The following HECTD4 variants were observed in gnomAD, a reference collection of about 807,000 sequenced individuals.
HECTD4 encodes the protein HECT domain E3 ubiquitin protein ligase 4.
In HECTD4, 114 loss-of-function variants were observed where a neutral mutation model predicts 471.5. The observed-to-expected ratio is 0.24, with a 90% CI of 0.21 to 0.28. HECTD4 has a LOEUF of 0.28. HECTD4 is among the 10% of genes least tolerant of loss of function. HECTD4 has a pLI of 1.00. For synonymous variants in HECTD4, 2,012 were observed against 2,256.0 expected (o/e 0.89, Z 3.07); for missense variants, 3,866 against 5,651.5 (o/e 0.68, Z 10.13).
chr12:112,210,284 A>G lies in HECTD4; in HGVS notation c.7630-32T>C, dbSNP rs759232901. 6.9e-6 allele frequency: 11 copies of G among 1,596,364 alleles called. No individual in the cohort carries two copies. In the South Asian group the frequency reaches 1.2e-4, roughly 18 times the overall value. On this transcript the variant is annotated intron_variant, in intron 49 of 75. Coordinates refer to ENST00000682272, the MANE Select transcript of HECTD4 (RefSeq NM_001388303.1). ...AGGAGACCAAATGAAGGATTTGGAAAGACTTACGTTTATTTTTATTTCTGC... is the reference window on the plus strand; with the variant it reads ...AGGAGACCAAATGAAGGATTTGGAAGGACTTACGTTTATTTTTATTTCTGC...
intron 7 of HECTD4, among the ~76,000 whole-genome samples, chr12:112,296,831 A>AGGTGCAGAG (rs2035035539): frequency 4.0e-5 from 2 of 50,514 alleles, no homozygotes; most frequent in Non-Finnish European, 8.2e-5. Flanking sequence ...TAGGTGCAGA[A>AGGTGCAGAG]GGTGGAGGTG....
intron 9 of HECTD4, among the ~76,000 whole-genome samples, chr12:112,278,080 A>G (rs2034563520): frequency 6.6e-6 from 1 of 152,148 alleles, no homozygotes; most frequent in African/African-American, 2.4e-5. Context: ...TCAAGCAAAT[A>G]AACAAACAAA....
chr12:112,246,292 A>T (rs1449644429), intron 29 of HECTD4, among the ~76,000 whole-genome samples: 2 of 152,160 alleles, frequency 1.3e-5, no homozygotes, highest in African/African-American at 4.8e-5. Flanking sequence ...AAGATTTATG[A>T]TGTTGACTAA....
Position 112,179,709 on chromosome 12 carries a change from G to A in HECTD4, c.10988-312C>T, listed in dbSNP as rs2031595468. ...ACGACAGGCCCCTCCCCGAGGGTGG[G>A]CACACCTCAGTGCTCACCCTCACTC... On this transcript the variant is annotated intron_variant, in intron 62 of 75. Coordinates refer to ENST00000682272, the MANE Select transcript of HECTD4 (RefSeq NM_001388303.1). The surrounding 1 kb of genome is among the most constrained non-coding windows in gnomAD (Gnocchi z 4.3). Among the ~76,000 whole-genome samples, 1 of 152,152 alleles carries A rather than the reference G, an allele frequency of 6.6e-6. No homozygotes were observed. The highest frequency in any genetic ancestry group is 6.5e-5 in the Admixed American group (1 of 15,282).
At position 112,161,974 on chromosome 12, in the gene HECTD4, G is replaced by A. The variant is rs2030705999; in HGVS notation, c.*413C>T. The A allele has an allele frequency of 6.2e-6, 1 of 160,078 alleles. No homozygotes were observed. The allele number at this position is 160,078 out of a possible 1,614,324, so 9.9% of individuals were successfully genotyped here. ...GGCAGGGCTGGCCACAGGCTTGTCT[G>A]TGGAGGCGCTCTGCTGAAAGCACGA... On this transcript the variant is annotated 3_prime_UTR_variant, in exon 76 of 76. Coordinates refer to ENST00000682272, the MANE Select transcript of HECTD4 (RefSeq NM_001388303.1).
At chr12:112,241,151 T>G (rs758319800) in intron 32 of HECTD4, among the ~76,000 whole-genome samples, 5 of 152,216 alleles carry the variant, frequency 3.3e-5, no homozygotes, top group Non-Finnish European at 7.4e-5. Context: ...GTAGGTGATT[T>G]TCATTGTATT....
intron 25 of HECTD4, 120 bp from the exon 26 acceptor site, chr12:112,248,632 G>C: frequency 1.6e-6 from 1 of 606,374 alleles, no homozygotes; most frequent in Non-Finnish European, 2.7e-6. Flanking sequence ...CTAGGCTGCA[G>C]TTCAGTGGAG....
chr12:112,177,884 G>A (rs533231022), intron 64 of HECTD4, among the ~76,000 whole-genome samples: 13 of 152,296 alleles, frequency 8.5e-5, no homozygotes, highest in South Asian at 2.1e-4. Context: ...GCTCAGGGAG[G>A]GGAGCTTCAA....
At position 112,243,980 on chromosome 12, in the gene HECTD4, T is replaced by A; in HGVS notation, c.4543A>T (p.Ile1515Leu). 1.2e-6 allele frequency: 2 copies of A among 1,613,902 alleles called. No homozygotes were observed. Among genetic ancestry groups the A allele is most frequent in the Non-Finnish European group, 8.5e-7 (1 of 1,179,856 alleles). ...ACKSASETKV[I>L]SHAVRQPVFL... ...ACAGGCTGCCTGACAGCGTGAGATA[T>A]CACTTTTGTTTCAGAAGCTGATTTA... Residue 1515 changes from isoleucine (I) to leucine (L), a missense_variant, in exon 30 of 76, where the codon ATA (isoleucine) becomes TTA (leucine). Ile to Leu is a conservative substitution (Grantham distance 5, BLOSUM62 2). Transcript: ENST00000682272. The surrounding 1 kb of genome is among the most constrained non-coding windows in gnomAD (Gnocchi z 6.6).
At position 112,184,430 on chromosome 12, in the gene HECTD4, C is replaced by T. The variant is rs1202396543; in HGVS notation, c.10536G>A (p.Leu3512=). ...QTVSDLSVDP[L]PAGLELPIPP... ...GGATGGGCAGCTCGAGGCCGGCAGGCAGCGGATCCACAGAGAGGTCGCTGA... is the reference window on the plus strand; with the variant it reads ...GGATGGGCAGCTCGAGGCCGGCAGGTAGCGGATCCACAGAGAGGTCGCTGA... Residue 3512 remains leucine, a synonymous_variant, in exon 61 of 76, where the codon CTG becomes CTA. Transcript: ENST00000682272. This position sits in a 1 kb window ranked among gnomAD's most constrained non-coding sequence, Gnocchi z 9.1. 6.2e-7 allele frequency: 1 copy of T among 1,605,418 alleles called. No homozygotes were observed. The highest frequency in any genetic ancestry group is 8.5e-7 in the Non-Finnish European group (1 of 1,177,058).
At chr12:112,293,364 CA>C (rs754332904) in intron 7 of HECTD4, among the ~76,000 whole-genome samples, 5,924 of 69,910 alleles carry the variant, frequency 0.085, 648 homozygotes, top group East Asian at 0.58. Flanking sequence ...GACTCTGTCT[CA>C]AAAAAAAAAA....
chr12:112,376,413 A>G (rs2036782202), intron 1 of HECTD4, among the ~76,000 whole-genome samples: 1 of 150,952 alleles, frequency 6.6e-6, no homozygotes, highest in African/African-American at 2.4e-5. Context: ...CGCCCGGCTA[A>G]TTTTTTGTAT....
chr12:112,182,841 C>A (rs904076588), intron 62 of HECTD4, among the ~76,000 whole-genome samples: 1 of 152,258 alleles, frequency 6.6e-6, no homozygotes, highest in African/African-American at 2.4e-5. Context: ...CCAGCCCCCA[C>A]TGACAAACAA....
Position 112,239,149 on chromosome 12 carries a change from G to A in HECTD4, c.5193C>T (p.Ser1731=), listed in dbSNP as rs982760996. The change falls in exon 34 of 76, where the codon TCC becomes TCT. Residue 1731 remains serine (S), a synonymous_variant. Transcript: ENST00000682272. This position sits in a 1 kb window ranked among gnomAD's most constrained non-coding sequence, Gnocchi z 4.9. ...CSLSNQTESS[S]SEKQTKKQKV... The stretch of plus-strand genomic sequence containing the variant: ...TCTGCTTCTTGGTCTGTTTCTCACT[G>A]GAGCTGGACTCGGTCTGATTGCTCA... 2 of 1,613,788 alleles carry A rather than the reference G, an allele frequency of 1.2e-6. No homozygotes were observed.
chr12:112,275,230 A>G (rs1049725794), intron 9 of HECTD4, among the ~76,000 whole-genome samples: 1 of 152,214 alleles, frequency 6.6e-6, no homozygotes, highest in Admixed American at 6.5e-5. Flanking sequence ...TCTTTCCGAT[A>G]TACATTATCA....
intron 48 of HECTD4, among the ~76,000 whole-genome samples, chr12:112,212,963 T>C (rs1454400418): frequency 6.6e-6 from 1 of 152,176 alleles, no homozygotes; most frequent in East Asian, 1.9e-4. Flanking sequence ...GCCCAGTTAA[T>C]TTTTGTATTT....
At position 112,179,491 on chromosome 12, in the gene HECTD4, G is replaced by A. The variant is rs532708434; in HGVS notation, c.10988-94C>T. ...CTGTTTCCAAACACTGTTTGAAAGG[G>A]GCAGTGGATGGACATTAGTGGAAGG... On this transcript the variant is annotated intron_variant, in intron 62 of 75. Coordinates refer to ENST00000682272, the MANE Select transcript of HECTD4 (RefSeq NM_001388303.1). This position sits in a 1 kb window ranked among gnomAD's most constrained non-coding sequence, Gnocchi z 4.3. 2.5e-5 allele frequency: 27 copies of A among 1,087,892 alleles called. 2 individuals carry two copies. In the South Asian group the frequency reaches 3.6e-4, roughly 14 times the overall value. The allele number at this position is 1,087,892 out of a possible 1,614,324, so 67.4% of individuals were successfully genotyped here.
chr12:112,329,901 C>A (rs372507081), intron 1 of HECTD4, among the ~76,000 whole-genome samples: 12 of 152,156 alleles, frequency 7.9e-5, no homozygotes, highest in Admixed American at 2.0e-4. Flanking sequence ...TGCTTGAGCC[C>A]AGGAGTTTGA....
intron 17 of HECTD4, 196 bp from the exon 18 acceptor site, chr12:112,261,625 C>T: frequency 4.0e-6 from 2 of 505,172 alleles, no homozygotes; most frequent in Middle Eastern, 5.4e-4. Context: ...TGGCAAGTAG[C>T]AATTTGGGAG....
Sources: allele counts gnomAD v4.1 joint callset (sites outside exome capture counted in the v4.1 genomes callset), GRCh38; gene constraint gnomAD v4.1.1; non-coding constraint Gnocchi (gnomAD v3.1); transcripts MANE v1.5; gene names NCBI Gene and HGNC (gene_info 2026-07-23, HGNC 2026-07-21).